The following OR2L13 variants were observed in gnomAD, a reference collection of about 807,000 sequenced individuals.
OR2L13 encodes olfactory receptor 2L13.
In OR2L13, 14 loss-of-function variants were observed where a neutral mutation model predicts 15.3. The ratio of observed to expected loss-of-function variants is 0.91; its 90% CI spans 0.60 to 1.43. The LOEUF (loss-of-function observed/expected upper bound fraction) is 1.43, where lower values mean the gene tolerates loss of function less well. OR2L13 is among the 40% of genes most tolerant of loss of function. The probability of loss-of-function intolerance (pLI) is 0.00; values close to 1 mark genes in which losing one functional copy is unlikely to be tolerated. For synonymous variants in OR2L13, 152 were observed against 142.9 expected (o/e 1.06, Z -0.45); for missense variants, 367 against 387.9 (o/e 0.95, Z 0.45).
the OR2L13 span, among the ~76,000 whole-genome samples, chr1:248,072,869 G>GA: frequency 6.6e-6 from 1 of 151,998 alleles, no homozygotes; most frequent in Non-Finnish European, 1.5e-5. Context: ...AAAAACACAT[G>GA]AAAAAATGCT....
At chr1:248,039,477 A>C in the OR2L13 span, 1 of 251,398 alleles carries the variant, frequency 4.0e-6, no homozygotes, top group Admixed American at 5.0e-5. Context: ...CTCTAATGCA[A>C]TGGCGCAATC....
At chr1:247,985,169 G>A in the OR2L13 span, among the ~76,000 whole-genome samples, 1 of 151,932 alleles carries the variant, frequency 6.6e-6, no homozygotes, top group Non-Finnish European at 1.5e-5. Flanking sequence ...AGTTACATAT[G>A]TATACATGTG....
the OR2L13 span, among the ~76,000 whole-genome samples, chr1:248,067,971 T>C: frequency 1.3e-5 from 2 of 152,220 alleles, no homozygotes; most frequent in Non-Finnish European, 2.9e-5. Context: ...CCAGGCTTGC[T>C]TAGGTAAACA....
exon 3 of OR2L13, chr1:248,101,081 T>C (rs1664848184): frequency 6.6e-6 from 1 of 152,138 alleles, no homozygotes; most frequent in Non-Finnish European, 1.5e-5. Context: ...GATACTGAGA[T>C]AAAATAACTT....
chr1:247,955,889 A>G, the OR2L13 span, among the ~76,000 whole-genome samples: 2 of 151,738 alleles, frequency 1.3e-5, no homozygotes, highest in African/African-American at 2.4e-5. Flanking sequence ...CCCATTGTGT[A>G]GGTTGCCTGT....
chr1:248,003,331 C>T, the OR2L13 span: 1 of 1,596,158 alleles, frequency 6.3e-7, no homozygotes, highest in East Asian at 2.2e-5. Context: ...AGCTCTCCCT[C>T]ATTGACCTAA....
At chr1:248,072,716 G>T in the OR2L13 span, among the ~76,000 whole-genome samples, 1 of 151,882 alleles carries the variant, frequency 6.6e-6, no homozygotes, top group East Asian at 1.9e-4. Flanking sequence ...TAAAATTTTT[G>T]CAACCTACAC....
At chr1:248,096,970 G>A (rs1664754334), upstream of OR2L13, among the ~76,000 whole-genome samples, 1 of 152,128 alleles carries the variant, frequency 6.6e-6, no homozygotes, top group Admixed American at 6.5e-5. Flanking sequence ...TGCTATGGGG[G>A]CTCTGGACTG....
the OR2L13 span, among the ~76,000 whole-genome samples, chr1:248,016,560 A>C: frequency 6.6e-6 from 1 of 152,072 alleles, no homozygotes; most frequent in East Asian, 1.9e-4. Context: ...TTTATTTAGC[A>C]TCTATAATGA....
the OR2L13 span, among the ~76,000 whole-genome samples, chr1:248,055,182 G>A: frequency 1.3e-5 from 2 of 152,014 alleles, no homozygotes; most frequent in African/African-American, 4.8e-5. Flanking sequence ...CCTTTTCTGT[G>A]TCTATTGAGA....
chr1:247,995,269 T>C, the OR2L13 span, among the ~76,000 whole-genome samples: 1 of 152,232 alleles, frequency 6.6e-6, no homozygotes, highest in Non-Finnish European at 1.5e-5. Context: ...TCCACTCTCA[T>C]AGATCCCACT....
chr1:247,966,168 C>T, the OR2L13 span: 1 of 1,614,144 alleles, frequency 6.2e-7, no homozygotes, highest in Non-Finnish European at 8.5e-7. Context: ...GGCCACACTC[C>T]TTGCGTTCCC....
chr1:247,957,911 T>G, the OR2L13 span, among the ~76,000 whole-genome samples: 1 of 152,186 alleles, frequency 6.6e-6, no homozygotes, highest in Non-Finnish European at 1.5e-5. Context: ...ATTCATTGAT[T>G]TTTTGAAGGG....
the OR2L13 span, among the ~76,000 whole-genome samples, chr1:247,956,912 T>C: frequency 6.6e-6 from 1 of 152,158 alleles, no homozygotes; most frequent in Non-Finnish European, 1.5e-5. Flanking sequence ...TGACTTCCTC[T>C]TTTCCCAGTT....
the OR2L13 span, among the ~76,000 whole-genome samples, chr1:248,081,628 C>A: frequency 6.6e-6 from 1 of 152,110 alleles, no homozygotes; most frequent in Non-Finnish European, 1.5e-5. Flanking sequence ...GTATAAATGA[C>A]AGAATTTATG....
chr1:248,075,868 C>T, the OR2L13 span, among the ~76,000 whole-genome samples: 1 of 152,090 alleles, frequency 6.6e-6, no homozygotes, highest in African/African-American at 2.4e-5. Context: ...TCCCATTTGT[C>T]AATTTTGGCT....
chr1:248,042,263 C>A, the OR2L13 span: 1 of 149,560 alleles, frequency 6.7e-6, no homozygotes, highest in Non-Finnish European at 1.5e-5. Flanking sequence ...GAACAAAAAA[C>A]CAAACACCGC....
chr1:248,096,954 T>C (rs1017723731), upstream of OR2L13, among the ~76,000 whole-genome samples: 1 of 152,226 alleles, frequency 6.6e-6, no homozygotes, highest in Non-Finnish European at 1.5e-5. Context: ...ATCTCTTGAA[T>C]CTACGTGCTA....
the OR2L13 span, among the ~76,000 whole-genome samples, chr1:248,078,572 C>T: frequency 6.6e-6 from 1 of 152,026 alleles, no homozygotes; most frequent in Admixed American, 6.6e-5. Context: ...TATTATACCA[C>T]ACCAGGATGG....
Sources: allele counts gnomAD v4.1 joint callset (sites outside exome capture counted in the v4.1 genomes callset), GRCh38; gene constraint gnomAD v4.1.1; transcripts MANE v1.5; gene names NCBI Gene and HGNC (gene_info 2026-07-23, HGNC 2026-07-21).